Variants in TNNI3 observed in about 807,000 individuals in gnomAD.
The protein encoded by TNNI3 is troponin I, cardiac muscle.
A neutral mutation model predicts 31.5 loss-of-function variants in TNNI3; 23 were observed. That is an observed-to-expected ratio of 0.73 (90% confidence interval 0.52 to 1.03). The LOEUF is 1.03. Ranked by LOEUF, TNNI3 falls within the 50% of genes least tolerant of loss-of-function variation. TNNI3 has a pLI of 0.00. For missense variants in TNNI3, 236 were observed against 282.9 expected, an observed-to-expected ratio of 0.83 and a Z score of 1.19; for synonymous variants, 120 against 111.7, an observed-to-expected ratio of 1.07 and a Z score of -0.47.
In TNNI3 at chr19:55,156,900, C is replaced by T; in HGVS notation, c.108+150G>A. The stretch of plus-strand genomic sequence containing the variant: ...GAGTTCCGCCCGCAGGCTGCTGTCA[C>T]CAATCCGAGCATGACCCTCTGCAAA... On this transcript the variant is annotated intron_variant, in intron 3 of 7. Transcript: ENST00000344887. This position sits in a 1 kb window ranked among gnomAD's most constrained non-coding sequence, Gnocchi z 4.6. The T allele has an allele frequency of 1.0e-6, 1 of 996,966 alleles. No homozygotes were observed. 61.8% of individuals were successfully genotyped at this position (996,966 alleles called of 1,614,324 possible).
intron 5 of TNNI3, among the ~76,000 whole-genome samples, chr19:55,155,642 A>G (rs1430345945): frequency 2.8e-4 from 7 of 25,332 alleles, no homozygotes; most frequent in Admixed American, 6.2e-4. Context: ...GGAGGGGCTG[A>G]GGGCCTCGAT....
rs1245388763 is a variant in TNNI3 at position 55,156,655 on chromosome 19, G to A, written c.109-11C>T. On this transcript the variant is annotated splice_polypyrimidine_tract_variant and intron_variant, in intron 3 of 7. Coordinates refer to ENST00000344887, the MANE Select transcript of TNNI3 (RefSeq NM_000363.5). This position sits in a 1 kb window ranked among gnomAD's most constrained non-coding sequence, Gnocchi z 4.6. Reference sequence around the variant, plus strand: ...GATCTTAGATTTTTTCTGCCAGGGTGAGATGGAGCAAGGAAGGATCATGGA... The same window carrying A: ...GATCTTAGATTTTTTCTGCCAGGGTAAGATGGAGCAAGGAAGGATCATGGA... The A allele has an allele frequency of 1.3e-6, 2 of 1,563,090 alleles. No individual in the cohort carries two copies. The highest frequency in any genetic ancestry group is 1.7e-6 in the Non-Finnish European group (2 of 1,152,102).
Position 55,151,924 on chromosome 19 carries a change from G to A in TNNI3, c.550-7C>T. On this transcript the variant is annotated splice_polypyrimidine_tract_variant and splice_region_variant and intron_variant, in intron 7 of 7. Transcript: ENST00000344887. ...CTCCCACCTCCCGGTTTTCCTGGAG[G>A]ATGGCGATGAGTCAGAGGTTAGGGT... is the stretch of plus-strand genomic sequence containing the variant. The A allele has an allele frequency of 6.2e-7, 1 of 1,613,814 alleles. No homozygotes were observed.
rs374892629 is a variant in TNNI3, at chr19:55,156,185, C to A, written c.282+16G>T. On this transcript the variant is annotated intron_variant, in intron 5 of 7. Coordinates refer to ENST00000344887, the MANE Select transcript of TNNI3 (RefSeq NM_000363.5). The surrounding 1 kb of genome is among the most constrained non-coding windows in gnomAD (Gnocchi z 4.6). The stretch of plus-strand genomic sequence containing the variant: ...AATTCCGGGACTAGAAACCTCGCAT[C>A]CTTGGGAGCCGGTACCTGCAGCTCC... 2.5e-5 allele frequency: 40 copies of A among 1,612,752 alleles called. No individual in the cohort carries two copies. In the African/African-American group the frequency reaches 4.7e-4, roughly 19 times the overall value.
Sources: allele counts gnomAD v4.1 joint callset (sites outside exome capture counted in the v4.1 genomes callset), GRCh38; gene constraint gnomAD v4.1.1; non-coding constraint Gnocchi (gnomAD v3.1); transcripts MANE v1.5; gene names NCBI Gene and HGNC (gene_info 2026-07-23, HGNC 2026-07-21).